The following SYT9 variants were observed in gnomAD, a reference collection of about 807,000 sequenced individuals.
The protein encoded by SYT9 is synaptotagmin 9.
Under a neutral mutation model 48.4 loss-of-function variants are expected in SYT9, and 22 were observed. That is an observed-to-expected ratio of 0.45 (90% CI 0.32 to 0.65). The LOEUF is 0.65. Ranked by LOEUF, SYT9 falls within the 30% of genes least tolerant of loss-of-function variation. The pLI is 0.03. For missense variants in SYT9, 577 were observed against 622.0 expected (o/e 0.93, Z 0.77); for synonymous variants, 265 against 245.0 (o/e 1.08, Z -0.76).
rs544669225 is a variant in SYT9, at chr11:7,407,872, T to C, written c.1045-8170T>C. Among the ~76,000 whole-genome samples, 4 of 152,338 alleles carry C rather than the reference T, an allele frequency of 2.6e-5. No homozygotes were observed. In the East Asian group the frequency reaches 7.7e-4, roughly 29 times the overall value. On this transcript the variant is annotated intron_variant, in intron 3 of 6. Transcript: ENST00000318881. ...ATTCATTTCTGTACTATCTATCCTG[T>C]TCCATTTGCCTATAAGGCTGTTTTT...
At chr11:7,412,097 A>G (rs1847147304) in intron 3 of SYT9, among the ~76,000 whole-genome samples, 1 of 151,844 alleles carries the variant, frequency 6.6e-6, no homozygotes, top group Non-Finnish European at 1.5e-5. Flanking sequence ...TTCTTTTCCA[A>G]TTTTCTGTAT....
chr11:7,422,256 C>T (rs1847370426), intron 6 of SYT9, among the ~76,000 whole-genome samples: 2 of 152,176 alleles, frequency 1.3e-5, no homozygotes, highest in Admixed American at 6.5e-5. Flanking sequence ...GGAAGTGGGG[C>T]AGGAAGGAGA....
At chr11:7,321,720 A>ATACCCACT (rs2133964962) in intron 3 of SYT9, among the ~76,000 whole-genome samples, 1 of 152,306 alleles carries the variant, frequency 6.6e-6, no homozygotes, top group South Asian at 2.1e-4. Context: ...GCAACTGAAT[A>ATACCCACT]TATACCCAGT....
chr11:7,263,284 T>G (rs1589894937), intron 1 of SYT9, among the ~76,000 whole-genome samples: 1 of 152,126 alleles, frequency 6.6e-6, no homozygotes, highest in Non-Finnish European at 1.5e-5. Context: ...GGTGAGGGCG[T>G]GTTCCTCATA....
chr11:7,281,534 G>A (rs1848492168), intron 1 of SYT9, among the ~76,000 whole-genome samples: 1 of 152,144 alleles, frequency 6.6e-6, no homozygotes, highest in Non-Finnish European at 1.5e-5. Context: ...CTGTAAAAGG[G>A]TATTCAGTTT....
chr11:7,277,036 A>C (rs1343980283), intron 1 of SYT9, among the ~76,000 whole-genome samples: 1 of 151,972 alleles, frequency 6.6e-6, no homozygotes, highest in African/African-American at 2.4e-5. Flanking sequence ...CCCAGGTGAC[A>C]GTACGAGACT....
intron 3 of SYT9, among the ~76,000 whole-genome samples, chr11:7,393,926 A>T (rs1846691146): frequency 6.7e-6 from 1 of 148,392 alleles, no homozygotes; most frequent in African/African-American, 2.5e-5. Context: ...TTCCTGTGGG[A>T]TTGGTTGTAA....
chr11:7,422,075 C>T (rs775838738), intron 6 of SYT9, among the ~76,000 whole-genome samples: 3 of 152,292 alleles, frequency 2.0e-5, no homozygotes, highest in Non-Finnish European at 2.9e-5. Flanking sequence ...AGGAAGCTCT[C>T]TTCCATGCAA....
intron 1 of SYT9, among the ~76,000 whole-genome samples, chr11:7,287,182 G>C (rs899803497): frequency 6.6e-6 from 1 of 152,190 alleles, no homozygotes; most frequent in African/African-American, 2.4e-5. Context: ...GGCAGAAGGG[G>C]AAGCAACCAC....
chr11:7,303,182 G>A lies in SYT9; in HGVS notation c.289G>A (p.Glu97Lys). ...CTCTGGTAGCAAAGACAACAACCAG[G>A]AGCCCCTTAACTACATGGACACAGA... ...LPSGSKDNNQ[E>K]PLNYMDTETN... is the part of the protein sequence containing the mutation. Residue 97 changes from glutamate to lysine, a missense_variant, in exon 2 of 7, where the codon GAG (glutamate) becomes AAG (lysine). By Grantham distance (56) the Glu-to-Lys change is moderately conservative (BLOSUM62 1). Coordinates refer to ENST00000318881, the MANE Select transcript of SYT9 (RefSeq NM_175733.4). The A allele has an allele frequency of 6.2e-7, 1 of 1,614,124 alleles. No homozygotes were observed. Among genetic ancestry groups the A allele is most frequent in the Non-Finnish European group, 8.5e-7 (1 of 1,180,022 alleles).
chr11:7,262,905 T>TGA (rs1395570226), intron 1 of SYT9, among the ~76,000 whole-genome samples: 1 of 151,976 alleles, frequency 6.6e-6, no homozygotes, highest in African/African-American at 2.4e-5. Context: ...GTGAGGGAAG[T>TGA]GAGATCAAGG....
intron 6 of SYT9, among the ~76,000 whole-genome samples, chr11:7,430,972 A>G (rs1210306871): frequency 1.3e-5 from 2 of 152,248 alleles, no homozygotes; most frequent in Non-Finnish European, 2.9e-5. Flanking sequence ...GGGTATTGCA[A>G]TAAAGATACT....
chr11:7,244,166 G>T (rs1005708524), intron 1 of SYT9, among the ~76,000 whole-genome samples: 10 of 152,106 alleles, frequency 6.6e-5, no homozygotes, highest in African/African-American at 2.2e-4. Flanking sequence ...TTCGTATATG[G>T]TGTATCTTTT....
At chr11:7,297,564 G>T (rs1848836910) in intron 1 of SYT9, among the ~76,000 whole-genome samples, 1 of 152,180 alleles carries the variant, frequency 6.6e-6, no homozygotes, top group African/African-American at 2.4e-5. Flanking sequence ...TCACGTAGCT[G>T]GTCCAGGCCG....
chr11:7,265,424 G>C (rs1848160763), intron 1 of SYT9, among the ~76,000 whole-genome samples: 1 of 152,092 alleles, frequency 6.6e-6, no homozygotes, highest in Non-Finnish European at 1.5e-5. Flanking sequence ...ATCAGTTAAG[G>C]AACTTTTGAA....
chr11:7,328,413 A>T (rs1436392295), intron 3 of SYT9, among the ~76,000 whole-genome samples: 1 of 152,034 alleles, frequency 6.6e-6, no homozygotes, highest in Non-Finnish European at 1.5e-5. Flanking sequence ...ATAAGATACA[A>T]CCTCTGTTTT....
intron 3 of SYT9, among the ~76,000 whole-genome samples, chr11:7,366,065 C>T (rs1302190512): frequency 6.6e-6 from 1 of 152,196 alleles, no homozygotes; most frequent in Admixed American, 6.5e-5. Context: ...CAGCTGTCCT[C>T]CAGGTGCTCC....
intron 1 of SYT9, among the ~76,000 whole-genome samples, chr11:7,267,524 A>G (rs1314087662): frequency 1.3e-5 from 2 of 151,980 alleles, no homozygotes; most frequent in African/African-American, 4.8e-5. Context: ...AGTTAAAAAA[A>G]ATCAGAAATG....
At chr11:7,295,910 G>T (rs1564851253) in intron 1 of SYT9, among the ~76,000 whole-genome samples, 2 of 152,000 alleles carry the variant, frequency 1.3e-5, no homozygotes, top group African/African-American at 2.4e-5. Context: ...GCAAATATCA[G>T]GTACTCAATA....
Sources: allele counts gnomAD v4.1 joint callset (sites outside exome capture counted in the v4.1 genomes callset), GRCh38; gene constraint gnomAD v4.1.1; transcripts MANE v1.5; gene names NCBI Gene and HGNC (gene_info 2026-07-23, HGNC 2026-07-21).